The following TM4SF20 variants were observed in gnomAD, a reference collection of about 807,000 sequenced individuals.
TM4SF20 encodes transmembrane 4 L six family member 20.
In TM4SF20, 13 loss-of-function variants were observed where a neutral mutation model predicts 15.1. That is an observed-to-expected ratio of 0.86 (90% CI 0.56 to 1.36). TM4SF20 has a LOEUF of 1.36. TM4SF20 is among the 40% of genes most tolerant of loss of function. The probability of loss-of-function intolerance (pLI) is 0.00; values close to 1 mark genes in which losing one functional copy is unlikely to be tolerated. For synonymous variants in TM4SF20, 92 were observed against 96.6 expected (o/e 0.95, Z 0.28); for missense variants, 282 against 268.4 (o/e 1.05, Z -0.35).
At chr2:227,370,817 C>T in intron 2 of TM4SF20, 98 bp downstream of exon 2, 1 of 962,832 alleles carries the variant, frequency 1.0e-6, no homozygotes, top group Non-Finnish European at 1.7e-6. Flanking sequence ...TGGAGCCCCA[C>T]TGTGATTCGG....
At chr2:227,369,673 C>T (rs1169374460) in intron 2 of TM4SF20, among the ~76,000 whole-genome samples, 2 of 152,078 alleles carry the variant, frequency 1.3e-5, no homozygotes, top group Non-Finnish European at 2.9e-5. Context: ...AAGTGATCCT[C>T]CCACCTCAGC....
intron 1 of TM4SF20, among the ~76,000 whole-genome samples, chr2:227,373,786 G>A (rs2076432827): frequency 6.6e-6 from 1 of 151,924 alleles, no homozygotes; most frequent in Non-Finnish European, 1.5e-5. Context: ...AAAATTAGCC[G>A]GGCTTGGTGG....
At chr2:227,368,857 C>A (rs555464053) in intron 2 of TM4SF20, among the ~76,000 whole-genome samples, 12 of 152,334 alleles carry the variant, frequency 7.9e-5, no homozygotes, top group African/African-American at 2.6e-4. Context: ...CTTGGTCAAC[C>A]CTTTCCCTTC....
rs115462030 is a variant in TM4SF20, at chr2:227,365,219, G to A, written c.401+874C>T. Among the ~76,000 whole-genome samples the A allele has an allele frequency of 5.1e-3, 782 of 152,260 alleles. 10 individuals carry two copies. Among genetic ancestry groups the A allele is most frequent in the African/African-American group, 0.018 (736 of 41,540 alleles). The stretch of plus-strand genomic sequence containing the variant: ...AGCCGCTGTGCCTGGCCTTCCTTGG[G>A]TTTTGGTTCAAAACAAATATGCTAC... On this transcript the variant is annotated intron_variant, in intron 3 of 3. Coordinates refer to ENST00000304568, the MANE Select transcript of TM4SF20 (RefSeq NM_024795.4).
chr2:227,379,940 A>G (rs1407976758), upstream of TM4SF20, among the ~76,000 whole-genome samples: 1 of 152,252 alleles, frequency 6.6e-6, no homozygotes, highest in Non-Finnish European at 1.5e-5. Context: ...GGCCATGTGC[A>G]GTACTTTACA....
chr2:227,370,195 T>C (rs966434650), intron 2 of TM4SF20, among the ~76,000 whole-genome samples: 1 of 152,232 alleles, frequency 6.6e-6, no homozygotes, highest in African/African-American at 2.4e-5. Context: ...GTCATTCTAA[T>C]CCTAGCAAAC....
intron 1 of TM4SF20, 139 bp downstream of exon 1, chr2:227,378,947 A>T (rs2076464534): frequency 1.3e-6 from 1 of 762,220 alleles, no homozygotes; most frequent in African/African-American, 1.8e-5. Context: ...GATGACCAAT[A>T]TAAATTAATG....
chr2:227,373,961 T>A (rs1021262765), intron 1 of TM4SF20, among the ~76,000 whole-genome samples: 4 of 149,820 alleles, frequency 2.7e-5, no homozygotes, highest in South Asian at 2.1e-4. Context: ...TGGAAGAGGC[T>A]GGTTTATAAA....
intron 1 of TM4SF20, among the ~76,000 whole-genome samples, chr2:227,373,122 C>T (rs976112859): frequency 6.6e-6 from 1 of 152,202 alleles, no homozygotes; most frequent in Non-Finnish European, 1.5e-5. Context: ...CCTTGCCCAT[C>T]TCATTGTCCT....
rs1553786651 is a variant in TM4SF20 at position 227,368,335 on chromosome 2, T to TATATATATATATATATATATA, written c.250-2092_250-2091insTATATATATATATATATATAT. Among the ~76,000 whole-genome samples the TATATATATATATATATATATA allele has an allele frequency of 3.9e-3, 478 of 122,556 alleles. 12 individuals carry two copies. Among genetic ancestry groups the TATATATATATATATATATATA allele is most frequent in the African/African-American group, 4.5e-3 (145 of 32,068 alleles). The allele number at this position is 122,556 out of a possible 152,430, so 80.4% of individuals were successfully genotyped here. ...ACCACGCCTGGCCGCCATCTATTAT[T>TATATATATATATATATATATA]TATATATATATATATATATAATTTT... On this transcript the variant is annotated intron_variant, in intron 2 of 3. Transcript: ENST00000304568.
chr2:227,369,365 C>A (rs6724955), intron 2 of TM4SF20, among the ~76,000 whole-genome samples: 1 of 150,658 alleles, frequency 6.6e-6, no homozygotes, highest in Admixed American at 6.6e-5. Flanking sequence ...GAATCTCTGG[C>A]GGCCACCCAG....
At position 227,363,786 on chromosome 2, in the gene TM4SF20, TCTGA is replaced by T. The variant is rs773639022; in HGVS notation, c.624_627del (p.Ser208ArgfsTer2). On this transcript the variant is annotated frameshift_variant, in exon 4 of 4. Coordinates refer to ENST00000304568, the MANE Select transcript of TM4SF20 (RefSeq NM_024795.4). LOFTEE classifies it high-confidence loss of function. ...AGACAGCCAAGGAAACCGATGACTA[TCTGA>T]CTGAGCCCAAACAGGACCTCCAGAA... is the stretch of plus-strand genomic sequence containing the variant. 8 of 1,614,186 alleles carry T rather than the reference TCTGA, an allele frequency of 5.0e-6. No individual in the cohort carries two copies. Among genetic ancestry groups the T allele is most frequent in the African/African-American group, 1.3e-5 (1 of 75,030 alleles).
At chr2:227,369,020 G>A (rs932063254) in intron 2 of TM4SF20, among the ~76,000 whole-genome samples, 1 of 152,190 alleles carries the variant, frequency 6.6e-6, no homozygotes, top group African/African-American at 2.4e-5. Context: ...CAGGAATTCA[G>A]AAATGTCTCA....
chr2:227,372,122 G>C (rs1450056636), intron 1 of TM4SF20, among the ~76,000 whole-genome samples: 1 of 152,128 alleles, frequency 6.6e-6, no homozygotes, highest in Non-Finnish European at 1.5e-5. Context: ...GCCCTTGAGT[G>C]GTTTTTCTCT....
At chr2:227,369,074 G>A (rs1050954153) in intron 2 of TM4SF20, among the ~76,000 whole-genome samples, 2 of 152,196 alleles carry the variant, frequency 1.3e-5, no homozygotes, top group South Asian at 4.1e-4. Context: ...AAGATACAAA[G>A]TCAAATTCCA....
upstream of TM4SF20, among the ~76,000 whole-genome samples, chr2:227,380,744 T>C (rs983907804): frequency 3.8e-5 from 5 of 131,482 alleles, no homozygotes; most frequent in Non-Finnish European, 8.8e-5. Context: ...CTGTTGGGAA[T>C]GGTGAAATAA....
upstream of TM4SF20, among the ~76,000 whole-genome samples, chr2:227,381,050 G>A (rs2076477615): frequency 6.6e-6 from 1 of 152,134 alleles, no homozygotes; most frequent in Non-Finnish European, 1.5e-5. Context: ...CGAGGTGGGA[G>A]GATCACTTGA....
At chr2:227,368,184 C>T (rs866219928) in intron 2 of TM4SF20, among the ~76,000 whole-genome samples, 6 of 148,954 alleles carry the variant, frequency 4.0e-5, no homozygotes, top group Admixed American at 1.3e-4. Context: ...CCACCACGCC[C>T]GGCTAATTTT....
In TM4SF20 at chr2:227,365,640, T is replaced by A. The variant is rs535889581; in HGVS notation, c.401+453A>T. Reference sequence around the variant, plus strand: ...TTTATTGTGTTTTTATTAAATTTTTTAAATTGTAAATGTAATATTTGCTCA... The same window carrying A: ...TTTATTGTGTTTTTATTAAATTTTTAAAATTGTAAATGTAATATTTGCTCA... On this transcript the variant is annotated intron_variant, in intron 3 of 3. Transcript: ENST00000304568. Among the ~76,000 whole-genome samples the A allele has an allele frequency of 2.4e-4, 36 of 152,372 alleles. 1 individual carries two copies. The South Asian group carries it at 4.3e-3, about 18-fold the overall frequency.
Sources: gnomAD v4.1 joint callset for allele counts (sites outside exome capture counted in the v4.1 genomes callset) on GRCh38, gnomAD v4.1.1 for gene constraint, MANE v1.5 for transcripts, NCBI Gene and HGNC (gene_info 2026-07-23, HGNC 2026-07-21) for gene names.